ASIC2: variants seen among roughly 807,000 people sequenced by gnomAD.
ASIC2 encodes the protein acid sensing ion channel subunit 2.
In ASIC2, 25 loss-of-function variants were observed where a neutral mutation model predicts 57.3. That is an observed-to-expected ratio of 0.44 (90% CI 0.32 to 0.61). The LOEUF (loss-of-function observed/expected upper bound fraction) is 0.61. Ranked by LOEUF, ASIC2 falls within the 20% of genes least tolerant of loss-of-function variation. ASIC2 has a pLI of 0.06. For synonymous variants in ASIC2, 319 were observed against 307.5 expected (o/e 1.04, Z -0.39); for missense variants, 641 against 738.1 (o/e 0.87, Z 1.52).
chr17:33,401,263 A>G (rs1406549417), intron 1 of ASIC2, among the ~76,000 whole-genome samples: 1 of 152,230 alleles, frequency 6.6e-6, no homozygotes, highest in Non-Finnish European at 1.5e-5. Context: ...AACCAGAACT[A>G]CTGGTAAGCA....
At chr17:33,766,579 G>T (rs1005926874) in intron 1 of ASIC2, among the ~76,000 whole-genome samples, 3 of 152,260 alleles carry the variant, frequency 2.0e-5, no homozygotes, top group Admixed American at 6.5e-5. Flanking sequence ...CTTGTTTTTG[G>T]TGGCTTCTTT....
intron 1 of ASIC2, chr17:33,794,824 T>C (rs1389531693): frequency 6.6e-6 from 1 of 152,118 alleles, no homozygotes; most frequent in African/African-American, 2.4e-5. Context: ...GAGATCAAAA[T>C]GACCAGCAGC....
chr17:33,274,028 T>C (rs2346687), intron 1 of ASIC2, among the ~76,000 whole-genome samples: 51,050 of 152,052 alleles, frequency 0.34, 8,729 homozygotes, highest in Admixed American at 0.41. Flanking sequence ...GGTGCAGAAA[T>C]GTTAATGAAC....
intron 1 of ASIC2, among the ~76,000 whole-genome samples, chr17:33,676,476 T>G (rs1907822466): frequency 6.6e-6 from 1 of 152,174 alleles, no homozygotes; most frequent in African/African-American, 2.4e-5. Context: ...AAGAAGAAAG[T>G]GAAAGCCTTC....
intron 1 of ASIC2, among the ~76,000 whole-genome samples, chr17:33,495,766 T>C (rs1267156168): frequency 6.6e-6 from 1 of 152,090 alleles, no homozygotes; most frequent in Non-Finnish European, 1.5e-5. Context: ...AGGCCTGCCA[T>C]GGAGAAGCAT....
chr17:33,356,159 G>A (rs1908365509), intron 1 of ASIC2, among the ~76,000 whole-genome samples: 1 of 152,232 alleles, frequency 6.6e-6, no homozygotes, highest in Admixed American at 6.5e-5. Context: ...GATAGGGGTA[G>A]GGTAGCAGTG....
chr17:33,723,985 T>C (rs1909466251), intron 1 of ASIC2, among the ~76,000 whole-genome samples: 1 of 152,266 alleles, frequency 6.6e-6, no homozygotes, highest in East Asian at 1.9e-4. Context: ...CCCACCCAAA[T>C]TGCATCTTGA....
chr17:33,544,525 T>C (rs183345547), intron 1 of ASIC2, among the ~76,000 whole-genome samples: 1 of 152,336 alleles, frequency 6.6e-6, no homozygotes, highest in Non-Finnish European at 1.5e-5. Flanking sequence ...CTGAAGGTTT[T>C]GTTCAGCTAC....
chr17:33,867,266 TA>T (rs59104259), intron 1 of ASIC2, among the ~76,000 whole-genome samples: 43,424 of 152,166 alleles, frequency 0.29, 6,904 homozygotes, highest in East Asian at 0.61. Context: ...TTCCCCAGTT[TA>T]AAAGTAGGAT....
At chr17:33,473,272 C>T (rs1285259010) in intron 1 of ASIC2, among the ~76,000 whole-genome samples, 2 of 152,258 alleles carry the variant, frequency 1.3e-5, no homozygotes, top group Non-Finnish European at 2.9e-5. Context: ...CTGCAGCCTT[C>T]ATCCAAGCAC....
chr17:33,975,452 A>G (rs1317715264), intron 1 of ASIC2, among the ~76,000 whole-genome samples: 1 of 152,154 alleles, frequency 6.6e-6, no homozygotes, highest in Non-Finnish European at 1.5e-5. Flanking sequence ...ACCCAAAGTC[A>G]TGATCTGTTT....
chr17:33,037,038 A>G (rs1324263672), intron 3 of ASIC2, among the ~76,000 whole-genome samples: 2 of 151,978 alleles, frequency 1.3e-5, no homozygotes, highest in Non-Finnish European at 2.9e-5. Context: ...AATAACATGT[A>G]CAACAAACCC....
intron 1 of ASIC2, among the ~76,000 whole-genome samples, chr17:33,685,687 T>A (rs1908163209): frequency 6.6e-6 from 1 of 152,170 alleles, no homozygotes; most frequent in African/African-American, 2.4e-5. Flanking sequence ...AGAGAGTTTG[T>A]TGCTCCTTGG....
rs547608998 is a variant in ASIC2, at chr17:33,459,952, T to A, written c.556-347885A>T. Among the ~76,000 whole-genome samples the A allele has an allele frequency of 3.9e-5, 6 of 152,208 alleles. No individual in the cohort carries two copies. The South Asian group carries it at 1.2e-3, about 32-fold the overall frequency. On this transcript the variant is annotated intron_variant, in intron 1 of 9. Transcript: ENST00000359872. ...ATTTAGTCCTTGGTTTGTAGTTAAA[T>A]CTGTTATGACCCCATAATCTTCTTG...
chr17:33,719,291 C>T (rs1390396743), intron 1 of ASIC2, among the ~76,000 whole-genome samples: 1 of 152,128 alleles, frequency 6.6e-6, no homozygotes, highest in African/African-American at 2.4e-5. Flanking sequence ...GGCTTGGTGA[C>T]CAGGAGTGCA....
intron 1 of ASIC2, among the ~76,000 whole-genome samples, chr17:33,121,004 A>G (rs2092300325): frequency 6.6e-6 from 1 of 152,226 alleles, no homozygotes; most frequent in Non-Finnish European, 1.5e-5. Flanking sequence ...CATCTCAGCA[A>G]TGCTGGTAAG....
chr17:33,911,431 G>A (rs1396739652), intron 1 of ASIC2, among the ~76,000 whole-genome samples: 2 of 152,132 alleles, frequency 1.3e-5, no homozygotes, highest in Non-Finnish European at 2.9e-5. Context: ...CCATGCTGAG[G>A]TATTCTCATC....
chr17:33,812,028 G>A (rs1245770555), intron 1 of ASIC2, among the ~76,000 whole-genome samples: 4 of 152,090 alleles, frequency 2.6e-5, no homozygotes, highest in Non-Finnish European at 5.9e-5. Context: ...CCCTGTTCCT[G>A]CACCACCGTG....
At chr17:33,794,901 T>C (rs1028499094) in intron 1 of ASIC2, among the ~76,000 whole-genome samples, 2 of 152,204 alleles carry the variant, frequency 1.3e-5, no homozygotes, top group East Asian at 3.8e-4. Context: ...GCTCTGTCTC[T>C]AACAAGCAGT....
Sources: allele counts gnomAD v4.1 joint callset (sites outside exome capture counted in the v4.1 genomes callset), GRCh38; gene constraint gnomAD v4.1.1; transcripts MANE v1.5; gene names NCBI Gene and HGNC (gene_info 2026-07-23, HGNC 2026-07-21).